The following ARHGEF3 variants were observed in gnomAD, a reference collection of about 807,000 sequenced individuals.
ARHGEF3 encodes the protein Rho guanine nucleotide exchange factor 3, also known as 59.8 kDA protein.
Under a neutral mutation model 63.2 loss-of-function variants are expected in ARHGEF3, and 28 were observed. That is an observed-to-expected ratio of 0.44 (90% CI 0.33 to 0.61). The LOEUF (loss-of-function observed/expected upper bound fraction) is 0.61. ARHGEF3 is among the 20% of genes least tolerant of loss of function. The pLI, the probability that ARHGEF3 is intolerant of heterozygous loss-of-function variation, is 0.03. For missense variants in ARHGEF3, 533 were observed against 659.3 expected (o/e 0.81, Z 2.10); for synonymous variants, 266 against 254.2 (o/e 1.05, Z -0.44).
At chr3:57,044,995 G>A (rs1704384913) in intron 1 of ARHGEF3, among the ~76,000 whole-genome samples, 1 of 152,184 alleles carries the variant, frequency 6.6e-6, no homozygotes, top group Non-Finnish European at 1.5e-5. Flanking sequence ...GGCCGGACGT[G>A]GTGGCTCACA....
chr3:56,798,713 T>C (rs991703009), intron 1 of ARHGEF3, among the ~76,000 whole-genome samples: 17 of 152,192 alleles, frequency 1.1e-4, no homozygotes, highest in African/African-American at 3.9e-4. Context: ...GCATGGGAAG[T>C]AGATGACCAA....
intron 2 of ARHGEF3, among the ~76,000 whole-genome samples, chr3:56,766,345 C>T (rs953989906): frequency 6.6e-6 from 1 of 152,160 alleles, no homozygotes; most frequent in Non-Finnish European, 1.5e-5. Flanking sequence ...CAATGAGAGG[C>T]AGTGGTTGCT....
At chr3:56,966,562 C>T (rs1042578781) in intron 2 of ARHGEF3, among the ~76,000 whole-genome samples, 1 of 152,086 alleles carries the variant, frequency 6.6e-6, no homozygotes, top group East Asian at 1.9e-4. Flanking sequence ...CAAGGCTGGA[C>T]AGGGAAGCAG....
At chr3:56,888,302 C>T (rs549320022) in intron 3 of ARHGEF3, among the ~76,000 whole-genome samples, 4 of 152,076 alleles carry the variant, frequency 2.6e-5, no homozygotes, top group African/African-American at 4.8e-5. Context: ...CTGCCCTGGG[C>T]GACAGTCTGG....
intron 1 of ARHGEF3, chr3:57,073,535 G>A: frequency 8.0e-7 from 1 of 1,257,100 alleles, no homozygotes; most frequent in South Asian, 1.6e-5. Flanking sequence ...GGCTCTGTTT[G>A]AGCACCCCGG....
chr3:57,033,153 G>A (rs1703800820), intron 2 of ARHGEF3, among the ~76,000 whole-genome samples: 1 of 152,214 alleles, frequency 6.6e-6, no homozygotes, highest in South Asian at 2.1e-4. Context: ...CTGGTGCCCA[G>A]GTGATAAGCA....
At chr3:57,049,419 A>G (rs988510634) in intron 1 of ARHGEF3, among the ~76,000 whole-genome samples, 1 of 152,186 alleles carries the variant, frequency 6.6e-6, no homozygotes, top group African/African-American at 2.4e-5. Flanking sequence ...AATCCCTCCC[A>G]GGTGACTGGG....
intron 1 of ARHGEF3, among the ~76,000 whole-genome samples, chr3:57,057,643 T>C (rs1420365749): frequency 6.6e-6 from 1 of 152,008 alleles, no homozygotes; most frequent in African/African-American, 2.4e-5. Flanking sequence ...TTTTTTAAAA[T>C]GTAAAAGTTT....
chr3:56,962,226 A>G (rs1417583917), intron 2 of ARHGEF3, among the ~76,000 whole-genome samples: 2 of 152,196 alleles, frequency 1.3e-5, no homozygotes, highest in Non-Finnish European at 1.5e-5. Context: ...CTAGCAGCAT[A>G]AAGTGCACCA....
At chr3:56,776,332 G>A (rs1242035524) in intron 1 of ARHGEF3, among the ~76,000 whole-genome samples, 2 of 152,182 alleles carry the variant, frequency 1.3e-5, no homozygotes, top group South Asian at 2.1e-4. Context: ...AGGCATTGCC[G>A]ATTTGGATGT....
At chr3:56,904,036 T>C (rs2041608437) in intron 3 of ARHGEF3, among the ~76,000 whole-genome samples, 1 of 151,152 alleles carries the variant, frequency 6.6e-6, no homozygotes, top group South Asian at 2.1e-4. Flanking sequence ...TATATATATA[T>C]ATGTATTTTT....
chr3:56,749,031 A>C (rs1208672257), intron 6 of ARHGEF3, among the ~76,000 whole-genome samples: 1 of 152,058 alleles, frequency 6.6e-6, no homozygotes, highest in African/African-American at 2.4e-5. Context: ...TTAAAAATAC[A>C]AGAACTCAAA....
At chr3:56,805,673 GC>G (rs2037839367), upstream of ARHGEF3, among the ~76,000 whole-genome samples, 1 of 152,124 alleles carries the variant, frequency 6.6e-6, no homozygotes, top group African/African-American at 2.4e-5. Context: ...ATATACTGGA[GC>G]CATAAAAATC....
intron 4 of ARHGEF3, among the ~76,000 whole-genome samples, chr3:56,822,677 AC>A (rs1353631333): frequency 6.6e-6 from 1 of 151,984 alleles, no homozygotes; most frequent in East Asian, 1.9e-4. Flanking sequence ...ACACGGTGAA[AC>A]CCCATCTGTA....
intron 4 of ARHGEF3, among the ~76,000 whole-genome samples, chr3:56,880,101 C>T (rs2040716685): frequency 6.6e-6 from 1 of 152,184 alleles, no homozygotes; most frequent in South Asian, 2.1e-4. Context: ...CCAACTTCTG[C>T]AATTATTATA....
intron 2 of ARHGEF3, among the ~76,000 whole-genome samples, chr3:56,983,723 G>A (rs1057390458): frequency 2.0e-5 from 3 of 152,138 alleles, no homozygotes; most frequent in Non-Finnish European, 4.4e-5. Context: ...GGATCATGAG[G>A]TCAGGAGATC....
intron 4 of ARHGEF3, among the ~76,000 whole-genome samples, chr3:56,882,135 A>G (rs1322087083): frequency 6.6e-6 from 1 of 152,230 alleles, no homozygotes; most frequent in Non-Finnish European, 1.5e-5. Context: ...CCAGTGAAAT[A>G]AAATGTTTTT....
At chr3:56,939,187 G>A (rs979631120) in intron 3 of ARHGEF3, among the ~76,000 whole-genome samples, 1 of 152,136 alleles carries the variant, frequency 6.6e-6, no homozygotes, top group Non-Finnish European at 1.5e-5. Flanking sequence ...CCACGCAAGA[G>A]GCTTCAATTC....
chr3:56,925,003 C>A (rs866196519), intron 3 of ARHGEF3, among the ~76,000 whole-genome samples: 3 of 152,352 alleles, frequency 2.0e-5, no homozygotes, highest in African/African-American at 7.2e-5. Context: ...ACTCAGGAAC[C>A]AGAGCCCACA....
Sources: allele counts gnomAD v4.1 joint callset (sites outside exome capture counted in the v4.1 genomes callset), GRCh38; gene constraint gnomAD v4.1.1; transcripts MANE v1.5; gene names NCBI Gene and HGNC (gene_info 2026-07-23, HGNC 2026-07-21).